The following KCNIP4 variants were observed in gnomAD, a reference collection of about 807,000 sequenced individuals.
KCNIP4 encodes Kv channel-interacting protein 4.
A neutral mutation model predicts 34.0 loss-of-function variants in KCNIP4; 12 were observed. That is an observed-to-expected ratio of 0.35 (90% CI 0.23 to 0.57). The LOEUF (loss-of-function observed/expected upper bound fraction) is 0.57. Among genes scored for constraint, KCNIP4 ranks in the 20% least tolerant of loss-of-function variants. The probability of loss-of-function intolerance (pLI) is 0.83; values close to 1 mark genes in which losing one functional copy is unlikely to be tolerated. For missense variants in KCNIP4, 238 were observed against 311.7 expected, an observed-to-expected ratio of 0.76 and a Z score of 1.78; for synonymous variants, 124 against 102.2, an observed-to-expected ratio of 1.21 and a Z score of -1.29.
At chr4:21,613,765 C>T (rs1358184539) in intron 1 of KCNIP4, 1 of 152,138 alleles carries the variant, frequency 6.6e-6, no homozygotes, top group East Asian at 1.9e-4. Context: ...CATTTATTTA[C>T]ATGTGTCTCT....
chr4:21,399,553 G>A (rs946928069), intron 1 of KCNIP4, among the ~76,000 whole-genome samples: 2 of 152,150 alleles, frequency 1.3e-5, no homozygotes, highest in African/African-American at 4.8e-5. Flanking sequence ...TGTTTTTGTT[G>A]AAGCCAGTTT....
At chr4:21,669,862 G>C (rs1262917194) in intron 1 of KCNIP4, among the ~76,000 whole-genome samples, 1 of 152,076 alleles carries the variant, frequency 6.6e-6, no homozygotes, top group Non-Finnish European at 1.5e-5. Context: ...TCCTCTGTTT[G>C]ATATTACTGA....
At chr4:21,701,971 T>C (rs1712888963) in intron 1 of KCNIP4, among the ~76,000 whole-genome samples, 2 of 152,172 alleles carry the variant, frequency 1.3e-5, no homozygotes, top group Non-Finnish European at 2.9e-5. Flanking sequence ...CCCAAAGTGC[T>C]GGGATTACAG....
chr4:21,025,571 T>TTTTTTTTTTTTTG, intron 1 of KCNIP4, among the ~76,000 whole-genome samples: 1 of 141,434 alleles, frequency 7.1e-6, no homozygotes. Context: ...TTTTTTTTTT[T>TTTTTTTTTTTTTG]GAGACGGAGT....
chr4:21,540,375 T>C (rs1435115292), intron 1 of KCNIP4, among the ~76,000 whole-genome samples: 1 of 152,148 alleles, frequency 6.6e-6, no homozygotes, highest in Non-Finnish European at 1.5e-5. Context: ...ATAGATAACA[T>C]TTCAGCAACA....
chr4:21,915,703 T>C (rs912328614), intron 1 of KCNIP4, among the ~76,000 whole-genome samples: 1 of 152,230 alleles, frequency 6.6e-6, no homozygotes, highest in Non-Finnish European at 1.5e-5. Flanking sequence ...CAGGCAGGCA[T>C]TGTGAAATGT....
intron 1 of KCNIP4, among the ~76,000 whole-genome samples, chr4:21,341,499 ATAATT>A (rs1003334596): frequency 6.6e-6 from 1 of 152,170 alleles, no homozygotes; most frequent in Non-Finnish European, 1.5e-5. Flanking sequence ...CAAATAAAAA[ATAATT>A]TAAGAGAAAT....
intron 1 of KCNIP4, among the ~76,000 whole-genome samples, chr4:20,988,000 C>CAAAGAAAAAAAAAAAA (rs1736738227): frequency 2.2e-5 from 1 of 46,318 alleles, no homozygotes; most frequent in Non-Finnish European, 4.0e-5. Flanking sequence ...GATTCCATCT[C>CAAAGAAAAAAAAAAAA]AAAAAAAAAA....
intron 1 of KCNIP4, among the ~76,000 whole-genome samples, chr4:21,716,130 A>G (rs990450962): frequency 1.3e-5 from 2 of 152,038 alleles, no homozygotes; most frequent in African/African-American, 2.4e-5. Context: ...AATAAAACAA[A>G]TCATTCTTGG....
intron 1 of KCNIP4, among the ~76,000 whole-genome samples, chr4:21,528,476 G>A (rs1299017240): frequency 6.6e-6 from 1 of 151,610 alleles, no homozygotes; most frequent in Non-Finnish European, 1.5e-5. Flanking sequence ...AGAGCAGCCT[G>A]GCCAATGTGG....
intron 1 of KCNIP4, among the ~76,000 whole-genome samples, chr4:21,363,409 T>C (rs1369601713): frequency 1.3e-5 from 2 of 152,166 alleles, no homozygotes; most frequent in Non-Finnish European, 2.9e-5. Context: ...GGTTTATCCT[T>C]GTAGCATAGA....
At chr4:21,826,111 A>T (rs567555631) in intron 1 of KCNIP4, among the ~76,000 whole-genome samples, 1 of 152,270 alleles carries the variant, frequency 6.6e-6, no homozygotes, top group South Asian at 2.1e-4. Context: ...GTGCTAAGGG[A>T]TAAGGTTAGA....
chr4:20,827,718 T>C (rs2149453012), intron 3 of KCNIP4, among the ~76,000 whole-genome samples: 1 of 152,146 alleles, frequency 6.6e-6, no homozygotes, highest in East Asian at 1.9e-4. Flanking sequence ...CATAAGTCTC[T>C]TTAAGCACAT....
intron 3 of KCNIP4, among the ~76,000 whole-genome samples, chr4:20,778,235 C>T (rs1398795753): frequency 1.3e-5 from 2 of 152,064 alleles, no homozygotes; most frequent in Admixed American, 6.6e-5. Context: ...TTCTTTGTGC[C>T]AGTTTATTAA....
intron 1 of KCNIP4, among the ~76,000 whole-genome samples, chr4:21,780,452 A>C (rs939757793): frequency 6.6e-6 from 1 of 152,188 alleles, no homozygotes; most frequent in Admixed American, 6.6e-5. Context: ...CTCAACTGCC[A>C]AAGACTTGTG....
intron 1 of KCNIP4, among the ~76,000 whole-genome samples, chr4:21,543,391 T>C (rs1737864222): frequency 6.6e-6 from 1 of 152,142 alleles, no homozygotes. Context: ...TATTCATTTT[T>C]ACACTTAGTT....
At chr4:20,751,642 G>C (rs971451627) in intron 4 of KCNIP4, among the ~76,000 whole-genome samples, 10 of 152,068 alleles carry the variant, frequency 6.6e-5, no homozygotes, top group Non-Finnish European at 4.4e-5. Context: ...TTAGCAAGCA[G>C]TACTCACCAT....
At chr4:21,707,698 A>G (rs1713393431) in intron 1 of KCNIP4, among the ~76,000 whole-genome samples, 1 of 152,104 alleles carries the variant, frequency 6.6e-6, no homozygotes. Flanking sequence ...AAAAATAAAA[A>G]TACACTGGAG....
intron 1 of KCNIP4, among the ~76,000 whole-genome samples, chr4:21,085,250 A>T (rs1337688723): frequency 2.6e-5 from 4 of 152,268 alleles, no homozygotes; most frequent in African/African-American, 9.6e-5. Flanking sequence ...AGTTGGCCAT[A>T]TGAGGATACA....
Sources: allele counts gnomAD v4.1 joint callset (sites outside exome capture counted in the v4.1 genomes callset), GRCh38; gene constraint gnomAD v4.1.1; transcripts MANE v1.5; gene names NCBI Gene and HGNC (gene_info 2026-07-23, HGNC 2026-07-21).